Variants in GET4 observed in about 807,000 individuals in gnomAD.
GET4 encodes Golgi to ER traffic protein 4 homolog.
A neutral mutation model predicts 40.0 loss-of-function variants in GET4; 20 were observed. The observed-to-expected ratio is 0.50, with a 90% confidence interval of 0.35 to 0.73. The LOEUF is 0.73. Among genes scored for constraint, GET4 ranks in the 30% least tolerant of loss-of-function variants. The pLI, the probability that GET4 is intolerant of heterozygous loss-of-function variation, is 0.01. For synonymous variants in GET4, 280 were observed against 194.6 expected (o/e 1.44, Z -3.65); for missense variants, 557 against 454.0 (o/e 1.23, Z -2.06).
intron 3 of GET4, chr7:886,949 G>A: frequency 1.9e-6 from 1 of 526,100 alleles, no homozygotes; most frequent in Non-Finnish European, 3.5e-6. Flanking sequence ...GCAAGGTGGG[G>A]CACCACTTTG....
rs747691249 is a variant in GET4, at chr7:895,327, T to G, written c.896-7T>G. On this transcript the variant is annotated splice_region_variant and splice_polypyrimidine_tract_variant and intron_variant, in intron 8 of 8. Coordinates refer to ENST00000265857, the MANE Select transcript of GET4 (RefSeq NM_015949.3). ...AGGCGTGACTGCCACGGTGTTCTTC[T>G]TTCCAGGGAACCTTCTGACCAGCCT... 6.6e-7 allele frequency: 1 copy of G among 1,507,790 alleles called. No individual in the cohort carries two copies. Among genetic ancestry groups the G allele is most frequent in the Non-Finnish European group, 9.2e-7 (1 of 1,089,848 alleles). The allele number at this position is 1,507,790 out of a possible 1,614,324, so 93.4% of individuals were successfully genotyped here.
chr7:878,429 C>T (rs1844013610), intron 1 of GET4: 1 of 466,562 alleles, frequency 2.1e-6, no homozygotes, highest in South Asian at 1.6e-5. Context: ...TTTTAAAGAT[C>T]ATTTCAGAGG....
At chr7:883,522 A>G (rs1179838701) in intron 1 of GET4, 1 of 985,334 alleles carries the variant, frequency 1.0e-6, no homozygotes, top group African/African-American at 1.7e-5. Context: ...TTGCCCAGAC[A>G]CTTTGCTCTG....
chr7:880,795 T>G (rs987779812), intron 1 of GET4: 1 of 152,248 alleles, frequency 6.6e-6, no homozygotes, highest in Admixed American at 6.5e-5. Flanking sequence ...TAGAATTCCG[T>G]GTGGATTCCC....
Position 891,183 on chromosome 7 carries a change from C to T in GET4, c.605+117C>T, listed in dbSNP as rs886784489. ...AGCTGCAGGATAAACTGAGTTCACTCTGGGCAGAGCCCACAGTGCACTTGT... is the reference window on the plus strand; with the variant it reads ...AGCTGCAGGATAAACTGAGTTCACTTTGGGCAGAGCCCACAGTGCACTTGT... On this transcript the variant is annotated intron_variant, in intron 5 of 8. Coordinates refer to ENST00000265857, the MANE Select transcript of GET4 (RefSeq NM_015949.3). 1.4e-5 allele frequency: 10 copies of T among 737,154 alleles called. No individual in the cohort carries two copies. In the African/African-American group the frequency reaches 1.4e-4, roughly 11 times the overall value. The allele number at this position is 737,154 out of a possible 1,614,324, so 45.7% of individuals were successfully genotyped here.
intron 8 of GET4, 126 bp downstream of exon 8, chr7:894,097 TCA>T (rs1376812159): frequency 1.7e-6 from 1 of 597,918 alleles, no homozygotes; most frequent in Non-Finnish European, 2.9e-6. Context: ...TAAATGTTTC[TCA>T]GTTTACTTTT....
intron 7 of GET4, 29 bp downstream of exon 7, chr7:893,844 G>A (rs1243460414): frequency 6.2e-7 from 1 of 1,608,196 alleles, no homozygotes; most frequent in African/African-American, 1.3e-5. Context: ...GGAGGGAGGA[G>A]GGGACCCCAC....
chr7:886,109 C>T lies in GET4; in HGVS notation c.209C>T (p.Ala70Val), dbSNP rs1470404576. The change falls in exon 2 of 9, where the codon GCC becomes GTC. Residue 70 changes from alanine to valine, a missense_variant. By Grantham distance (64) the Ala-to-Val change is moderately conservative. Coordinates refer to ENST00000265857, the MANE Select transcript of GET4 (RefSeq NM_015949.3). ...TEARELMYSG[A>V]LLFFSHGQQN... is the part of the protein sequence containing the mutation. Reference sequence around the variant, plus strand: ...GCCCGGGAGCTCATGTACTCGGGAGCCCTGCTCTTCTTCAGCCATGGCCAG... The same window carrying T: ...GCCCGGGAGCTCATGTACTCGGGAGTCCTGCTCTTCTTCAGCCATGGCCAG... 4 of 1,608,592 alleles carry T rather than the reference C, an allele frequency of 2.5e-6. No homozygotes were observed. Among genetic ancestry groups the T allele is most frequent in the Admixed American group, 3.3e-5 (2 of 60,014 alleles).
intron 1 of GET4, chr7:883,991 C>T (rs751458175): frequency 1.0e-5 from 11 of 1,085,966 alleles, no homozygotes; most frequent in South Asian, 4.7e-5. Context: ...GGCTGCAAGG[C>T]GCAGTCCAAA....
At chr7:891,104 G>A in intron 5 of GET4, 38 bp downstream of exon 5, 1 of 1,533,778 alleles carries the variant, frequency 6.5e-7, no homozygotes, top group Non-Finnish European at 8.8e-7. Context: ...GGCTTCCATT[G>A]CTGCCTTGGC....
chr7:893,785 A>G lies in GET4; in HGVS notation c.792A>G (p.Pro264=). 7 of 1,611,698 alleles carry G rather than the reference A, an allele frequency of 4.3e-6. No individual in the cohort carries two copies. The highest frequency in any genetic ancestry group is 5.9e-6 in the Non-Finnish European group (7 of 1,178,490). ...CTGTGCTGTGTGAGCAGTACCAGCC[A>G]TCCCTCCGGCGGGACCCCATGTACA... ...VFTVLCEQYQ[P]SLRRDPMYNE... Residue 264 remains proline, a synonymous_variant, in exon 7 of 9, where the codon CCA becomes CCG. Coordinates refer to ENST00000265857, the MANE Select transcript of GET4 (RefSeq NM_015949.3).
rs748467156 is a variant in GET4 at position 893,800 on chromosome 7, C to T, written c.807C>T (p.Asp269=). 3 of 1,610,708 alleles carry T rather than the reference C, an allele frequency of 1.9e-6. No individual in the cohort carries two copies. The African/African-American group carries it at 4.0e-5, about 22-fold the overall frequency. Residue 269 remains aspartate, a synonymous_variant, in exon 7 of 9, where the codon GAC becomes GAT. Coordinates refer to ENST00000265857, the MANE Select transcript of GET4 (RefSeq NM_015949.3). Reference sequence around the variant, plus strand: ...AGTACCAGCCATCCCTCCGGCGGGACCCCATGTACAACGAGGTGAGAGCTT... The same window carrying T: ...AGTACCAGCCATCCCTCCGGCGGGATCCCATGTACAACGAGGTGAGAGCTT... ...CEQYQPSLRR[D]PMYNEYLDRI...
chr7:886,969 C>A, intron 3 of GET4: 1 of 514,536 alleles, frequency 1.9e-6, no homozygotes, highest in Admixed American at 3.1e-5. Flanking sequence ...GGCTTGTCGG[C>A]CTGTCCTGTC....
chr7:892,547 A>G, intron 6 of GET4, 129 bp downstream of exon 6: 4 of 940,406 alleles, frequency 4.3e-6, no homozygotes, highest in South Asian at 1.5e-5. Context: ...GGGTATATGC[A>G]TAGGGTATGA....
chr7:887,141 C>T (rs1432559397), intron 3 of GET4: 6 of 685,044 alleles, frequency 8.8e-6, no homozygotes, highest in Admixed American at 2.1e-5. Context: ...CCCCAGCCCC[C>T]GCCTCGGCCA....
intron 1 of GET4, chr7:878,334 G>T (rs1208824756): frequency 2.1e-6 from 1 of 471,124 alleles, no homozygotes; most frequent in Admixed American, 2.3e-5. Flanking sequence ...TTCTGTGTGT[G>T]GCATTCTGTA....
chr7:895,585 GGCT>G lies in GET4; in HGVS notation c.*170_*172del, dbSNP rs1844464283. Reference sequence around the variant, plus strand: ...TCTGTGCGGCGGCTCAGGGTGGCGCGGCTGCTGCTCACTGTGCTGCTGGGACCC... The same window carrying G: ...TCTGTGCGGCGGCTCAGGGTGGCGCGGCTGCTCACTGTGCTGCTGGGACCC... On this transcript the variant is annotated 3_prime_UTR_variant, in exon 9 of 9. Transcript: ENST00000265857. The G allele has an allele frequency of 8.0e-6, 4 of 497,180 alleles. No individual in the cohort carries two copies. Among genetic ancestry groups the G allele is most frequent in the Non-Finnish European group, 1.4e-5 (4 of 276,488 alleles). The allele number at this position is 497,180 out of a possible 1,614,324, so 30.8% of individuals were successfully genotyped here.
chr7:891,044 T>G lies in GET4; in HGVS notation c.583T>G (p.Phe195Val). The change falls in exon 5 of 9, where the codon TTC becomes GTC. Residue 195 changes from phenylalanine to valine, a missense_variant. Physicochemically the swap from Phe to Val is conservative, Grantham distance 50. Coordinates refer to ENST00000265857, the MANE Select transcript of GET4 (RefSeq NM_015949.3). ...SRGFRSEVDM[F>V]VAQAVLQFLC... ...CGGCTTCCGCAGCGAGGTGGACATG[T>G]TCGTGGCCCAGGCCGTGCTACAGTA... The G allele has an allele frequency of 6.2e-7, 1 of 1,607,972 alleles. No individual in the cohort carries two copies. The highest frequency in any genetic ancestry group is 1.1e-5 in the South Asian group (1 of 90,626).
Position 890,996 on chromosome 7 carries a change from C to A in GET4, c.535C>A (p.Leu179Met). Reference sequence around the variant, plus strand: ...GGACGGGGAGGGCTGTGCCAACATGCTGGTGGAGTATTCCACGTCCCGCGG... The same window carrying A: ...GGACGGGGAGGGCTGTGCCAACATGATGGTGGAGTATTCCACGTCCCGCGG... ...SADGEGCANMLVEYSTSRGFR... is the reference protein window; with the variant it reads ...SADGEGCANMMVEYSTSRGFR... Residue 179 changes from leucine (L) to methionine (M), a missense_variant, in exon 5 of 9, where the codon CTG becomes ATG. Leu to Met is a conservative substitution (Grantham distance 15). Coordinates refer to ENST00000265857, the MANE Select transcript of GET4 (RefSeq NM_015949.3). 6.2e-7 allele frequency: 1 copy of A among 1,610,720 alleles called. No individual in the cohort carries two copies. The highest frequency in any genetic ancestry group is 1.1e-5 in the South Asian group (1 of 90,988).
Sources: allele counts gnomAD v4.1 joint callset, GRCh38; gene constraint gnomAD v4.1.1; transcripts MANE v1.5; gene names NCBI Gene and HGNC (gene_info 2026-07-23, HGNC 2026-07-21).